PHACTR1: variants seen among roughly 807,000 people sequenced by gnomAD.
PHACTR1 encodes the protein phosphatase and actin regulator 1.
PHACTR1 carries 16 observed loss-of-function variants against 69.2 expected under a neutral mutation model. The observed-to-expected ratio is 0.23, with a 90% CI of 0.16 to 0.35. The LOEUF is 0.35. Ranked by LOEUF, PHACTR1 falls within the 10% of genes least tolerant of loss-of-function variation. PHACTR1 has a pLI of 1.00. For synonymous variants in PHACTR1, 312 were observed against 284.5 expected (o/e 1.10, Z -0.97); for missense variants, 510 against 734.7 (o/e 0.69, Z 3.54).
chr6:12,744,243 C>T (rs1765480803), intron 3 of PHACTR1, among the ~76,000 whole-genome samples: 1 of 152,228 alleles, frequency 6.6e-6, no homozygotes, highest in Non-Finnish European at 1.5e-5. Flanking sequence ...CCACGCCATT[C>T]CCATCAAAGC....
chr6:13,167,410 G>A (rs902935981), intron 6 of PHACTR1, among the ~76,000 whole-genome samples: 1 of 152,140 alleles, frequency 6.6e-6, no homozygotes. Flanking sequence ...TTTATTGGGA[G>A]GATGGGGAGG....
chr6:13,071,645 G>T (rs1050700470), intron 5 of PHACTR1, among the ~76,000 whole-genome samples: 1 of 152,126 alleles, frequency 6.6e-6, no homozygotes, highest in African/African-American at 2.4e-5. Flanking sequence ...GTAATGTTTG[G>T]TCTATTTTGG....
At chr6:13,260,872 T>C (rs1775813922) in intron 10 of PHACTR1, among the ~76,000 whole-genome samples, 1 of 152,154 alleles carries the variant, frequency 6.6e-6, no homozygotes, top group African/African-American at 2.4e-5. Flanking sequence ...GACAATTGAA[T>C]CATCGATGAC....
chr6:13,214,038 A>G (rs1028822516), intron 8 of PHACTR1: 8 of 152,192 alleles, frequency 5.3e-5, no homozygotes, highest in Admixed American at 5.2e-4. Flanking sequence ...TGTCTCAATT[A>G]TAGAAACAGG....
chr6:13,149,642 G>A (rs1423107243), intron 5 of PHACTR1, among the ~76,000 whole-genome samples: 1 of 152,048 alleles, frequency 6.6e-6, no homozygotes, highest in Admixed American at 6.6e-5. Context: ...TGTGATCATG[G>A]GGGAGGGGCT....
At chr6:12,924,446 T>A (rs1413734588) in intron 4 of PHACTR1, among the ~76,000 whole-genome samples, 1 of 152,208 alleles carries the variant, frequency 6.6e-6, no homozygotes, top group Non-Finnish European at 1.5e-5. Context: ...CTAATTTCCA[T>A]GAACTCTTAA....
At chr6:12,748,339 GA>G (rs1431224171) in intron 3 of PHACTR1, among the ~76,000 whole-genome samples, 2 of 152,228 alleles carry the variant, frequency 1.3e-5, no homozygotes, top group Admixed American at 6.5e-5. Context: ...CTGAAGTGGA[GA>G]GGGGGGGCTT....
chr6:13,086,083 T>TTAA (rs1491155988), intron 5 of PHACTR1, among the ~76,000 whole-genome samples: 4 of 60,266 alleles, frequency 6.6e-5, no homozygotes, highest in African/African-American at 3.4e-4. Flanking sequence ...TACACATTTC[T>TTAA]AAAAAAAAAA....
intron 6 of PHACTR1, among the ~76,000 whole-genome samples, chr6:13,160,947 C>T (rs972259271): frequency 6.6e-5 from 10 of 152,110 alleles, no homozygotes; most frequent in Non-Finnish European, 1.5e-4. Context: ...ATCCTTCACT[C>T]CTCTTTTCTA....
At chr6:13,229,215 C>T (rs557127661) in intron 9 of PHACTR1, among the ~76,000 whole-genome samples, 7 of 152,312 alleles carry the variant, frequency 4.6e-5, no homozygotes, top group African/African-American at 1.2e-4. Flanking sequence ...GGTGTGGGGC[C>T]GTCCTGTACA....
At chr6:13,266,653 A>T (rs748983781) in intron 10 of PHACTR1, 7 of 152,676 alleles carry the variant, frequency 4.6e-5, no homozygotes, top group Non-Finnish European at 7.3e-5. Context: ...GGTGGAAAAC[A>T]GAGGGAAAGC....
intron 4 of PHACTR1, among the ~76,000 whole-genome samples, chr6:13,039,651 A>G (rs1217651656): frequency 6.6e-6 from 1 of 152,234 alleles, no homozygotes; most frequent in African/African-American, 2.4e-5. Context: ...GACTTGCAAC[A>G]TAACAAGGAT....
intron 5 of PHACTR1, among the ~76,000 whole-genome samples, chr6:13,118,616 C>T (rs1401474065): frequency 7.9e-5 from 12 of 151,730 alleles, no homozygotes; most frequent in African/African-American, 2.7e-4. Context: ...GTAGCTGAGA[C>T]TACAGGTGCG....
chr6:13,115,141 TG>T (rs1817623018), intron 5 of PHACTR1, among the ~76,000 whole-genome samples: 1 of 152,242 alleles, frequency 6.6e-6, no homozygotes, highest in Non-Finnish European at 1.5e-5. Context: ...GAGAACTGTA[TG>T]AGATCCTAAC....
intron 5 of PHACTR1, among the ~76,000 whole-genome samples, chr6:13,102,139 C>T (rs1213380692): frequency 6.6e-6 from 1 of 152,204 alleles, no homozygotes; most frequent in East Asian, 1.9e-4. Context: ...ATTAGAATAG[C>T]ACTTTTCTTT....
At chr6:12,724,010 T>C (rs774201531) in intron 3 of PHACTR1, among the ~76,000 whole-genome samples, 41 of 152,268 alleles carry the variant, frequency 2.7e-4, no homozygotes, top group Non-Finnish European at 5.3e-4. Context: ...ATTTGAACCA[T>C]GGGGAAGATG....
chr6:12,747,818 G>T (rs1766002682), intron 3 of PHACTR1, among the ~76,000 whole-genome samples: 1 of 152,082 alleles, frequency 6.6e-6, no homozygotes, highest in Non-Finnish European at 1.5e-5. Context: ...ATTTGTTGGG[G>T]TGGCTCCAAG....
intron 5 of PHACTR1, among the ~76,000 whole-genome samples, chr6:13,128,815 C>A (rs1819953794): frequency 6.6e-6 from 1 of 152,102 alleles, no homozygotes; most frequent in Admixed American, 6.5e-5. Flanking sequence ...CTGGAAAACT[C>A]ATTGCAAAAA....
chr6:12,843,428 C>T (rs966929658), intron 4 of PHACTR1, among the ~76,000 whole-genome samples: 1 of 152,080 alleles, frequency 6.6e-6, no homozygotes, highest in Non-Finnish European at 1.5e-5. Flanking sequence ...GTCGGGAGAG[C>T]AGAGCCCAGA....
Sources: gnomAD v4.1 joint callset for allele counts (sites outside exome capture counted in the v4.1 genomes callset) on GRCh38, gnomAD v4.1.1 for gene constraint, MANE v1.5 for transcripts, NCBI Gene and HGNC (gene_info 2026-07-23, HGNC 2026-07-21) for gene names.